Variants in MAPKBP1 observed in about 807,000 individuals in gnomAD.
MAPKBP1 encodes the protein mitogen-activated protein kinase binding protein 1.
In MAPKBP1, 71 loss-of-function variants were observed where a neutral mutation model predicts 170.5. That is an observed-to-expected ratio of 0.42 (90% CI 0.34 to 0.51). MAPKBP1 has a LOEUF of 0.51. Among genes scored for constraint, MAPKBP1 ranks in the 20% least tolerant of loss-of-function variants. The pLI, the probability that MAPKBP1 is intolerant of heterozygous loss-of-function variation, is 0.06. For synonymous variants in MAPKBP1, 719 were observed against 757.9 expected (o/e 0.95, Z 0.84); for missense variants, 1,598 against 1,933.0 (o/e 0.83, Z 3.25).
chr15:41,774,597 G>A lies in MAPKBP1; in HGVS notation c.-123G>A. 2.5e-6 allele frequency: 1 copy of A among 398,724 alleles called. No homozygotes were observed. The highest frequency in any genetic ancestry group is 4.4e-6 in the Non-Finnish European group (1 of 226,114). The allele number at this position is 398,724 out of a possible 1,614,324, so 24.7% of individuals were successfully genotyped here. The stretch of plus-strand genomic sequence containing the variant: ...GGGCGCTGTGAGCGGGGTGGCCTTA[G>A]CTCGCCGAGGCTGGTGAGGCTGGGC... On this transcript the variant is annotated 5_prime_UTR_variant, in exon 1 of 31. Transcript: ENST00000457542.
At chr15:41,786,030 C>A (rs1288958719) in intron 2 of MAPKBP1, among the ~76,000 whole-genome samples, 1 of 152,076 alleles carries the variant, frequency 6.6e-6, no homozygotes, top group African/African-American at 2.4e-5. Flanking sequence ...AGATGAAATT[C>A]CTTGTACCTG....
At chr15:41,778,369 G>A (rs561115422) in intron 2 of MAPKBP1, among the ~76,000 whole-genome samples, 3 of 152,324 alleles carry the variant, frequency 2.0e-5, no homozygotes, top group South Asian at 4.1e-4. Context: ...AGAAGTCCAC[G>A]TATGCAGAAA....
At chr15:41,816,728 G>A (rs144394270) in intron 13 of MAPKBP1, 78 bp downstream of exon 13, 369 of 1,470,964 alleles carry the variant, frequency 2.5e-4, no homozygotes, top group Non-Finnish European at 3.3e-4. Flanking sequence ...GCTCTTGGAC[G>A]TGGGGTCGGT....
chr15:41,822,314 G>A lies in MAPKBP1; in HGVS notation c.3121G>A (p.Glu1041Lys), dbSNP rs775064619. 1.2e-6 allele frequency: 2 copies of A among 1,614,098 alleles called. No individual in the cohort carries two copies. The highest frequency in any genetic ancestry group is 4.5e-5 in the East Asian group (2 of 44,878). The change falls in exon 26 of 31, where the codon GAG becomes AAG. Residue 1041 changes from glutamate (E) to lysine (K), a missense_variant. By Grantham distance (56) the Glu-to-Lys change is moderately conservative. This residue lies in a region of MAPKBP1 where 942 missense variants were observed against 953.2 expected (regional missense o/e 0.99). Transcript: ENST00000457542. ...GGGTGATGAAGAAGAGGAAGAAGAG[G>A]AGGGAGGCATGGGCCCCTATGGGCT... is the stretch of plus-strand genomic sequence containing the variant. ...AEGDEEEEEE[E>K]GGMGPYGLQE...
At chr15:41,774,729 G>T in intron 1 of MAPKBP1, 119 bp downstream of exon 1, 1 of 399,976 alleles carries the variant, frequency 2.5e-6, no homozygotes, top group Non-Finnish European at 4.4e-6. Flanking sequence ...ATAGGGAGTG[G>T]GGGAGGGAGG....
rs751957092 is a variant in MAPKBP1, at chr15:41,818,883, C to T, written c.2217C>T (p.Ala739=). The T allele has an allele frequency of 1.3e-5, 21 of 1,614,098 alleles. No individual in the cohort carries two copies. Among genetic ancestry groups the T allele is most frequent in the Admixed American group, 1.2e-4 (7 of 60,012 alleles). ...EMTISMRQRL[A]ELRQRQRGGK... Reference sequence around the variant, plus strand: ...CCATCAGCATGAGGCAGCGTCTGGCCGAGTTGCGCCAGCGTCAGCGGGGCG... The same window carrying T: ...CCATCAGCATGAGGCAGCGTCTGGCTGAGTTGCGCCAGCGTCAGCGGGGCG... The change falls in exon 20 of 31, where the codon GCC becomes GCT. Residue 739 remains alanine (A), a synonymous_variant. Coordinates refer to ENST00000457542, the MANE Select transcript of MAPKBP1 (RefSeq NM_014994.3). This position sits in a 1 kb window ranked among gnomAD's most constrained non-coding sequence, Gnocchi z 5.2.
chr15:41,825,222 A>T lies in MAPKBP1; in HGVS notation c.4313A>T (p.Lys1438Met). 6.3e-7 allele frequency: 1 copy of T among 1,582,908 alleles called. No individual in the cohort carries two copies. Among genetic ancestry groups the T allele is most frequent in the Non-Finnish European group, 8.6e-7 (1 of 1,157,538 alleles). ...GTGCTATTTCAGGTGGCTGGCTGCA[A>T]GATGCCCTCAGCAGAGCAAAGTCGG... Reference protein sequence around the residue: ...VRLYHSVAGCKMPSAEQSRIA... With the variant: ...VRLYHSVAGCMMPSAEQSRIA... The change falls in exon 31 of 31, where the codon AAG becomes ATG. Residue 1438 changes from lysine (K) to methionine (M), a missense_variant. Around this residue, in one of 6 missense-constraint regions of MAPKBP1, gnomAD observed 942 missense variants for 953.2 expected, o/e 0.99. Transcript: ENST00000457542.
chr15:41,817,936 C>T lies in MAPKBP1; in HGVS notation c.1905-73C>T. On this transcript the variant is annotated intron_variant, in intron 16 of 30. Coordinates refer to ENST00000457542, the MANE Select transcript of MAPKBP1 (RefSeq NM_014994.3). The surrounding 1 kb of genome is among the most constrained non-coding windows in gnomAD (Gnocchi z 4.2). ...AGAGAGTGTAGACTGGGAGTGAAAG[C>T]TGGCATTTCCATCCCCCAGGCGTGT... The T allele has an allele frequency of 1.3e-6, 2 of 1,544,200 alleles. No individual in the cohort carries two copies. The highest frequency in any genetic ancestry group is 1.8e-6 in the Non-Finnish European group (2 of 1,117,366).
rs749567364 is a variant in MAPKBP1 at position 41,818,800 on chromosome 15, C to T, written c.2157-23C>T. Reference sequence around the variant, plus strand: ...GCCATTCTACCTGCCCCTCCTTCAGCCAACTGTGTGGCTTTACCCCAGCTG... The same window carrying T: ...GCCATTCTACCTGCCCCTCCTTCAGTCAACTGTGTGGCTTTACCCCAGCTG... On this transcript the variant is annotated intron_variant, in intron 19 of 30. Transcript: ENST00000457542. This position sits in a 1 kb window ranked among gnomAD's most constrained non-coding sequence, Gnocchi z 5.2. 6.2e-7 allele frequency: 1 copy of T among 1,611,544 alleles called. No homozygotes were observed. Among genetic ancestry groups the T allele is most frequent in the Admixed American group, 1.7e-5 (1 of 59,968 alleles).
chr15:41,819,671 T>C, intron 22 of MAPKBP1, 21 bp downstream of exon 22: 1 of 1,603,258 alleles, frequency 6.2e-7, no homozygotes. Context: ...ATTGTTAAAA[T>C]GTTCTTCCAA....
Position 41,824,654 on chromosome 15 carries a change from T to C in MAPKBP1, c.4299+85T>C, listed in dbSNP as rs1203991916. Reference sequence around the variant, plus strand: ...GATAACCATGTCCAGAACAGTATGCTAAGCCTCTTGTGCTGACAGGATGGC... The same window carrying C: ...GATAACCATGTCCAGAACAGTATGCCAAGCCTCTTGTGCTGACAGGATGGC... On this transcript the variant is annotated intron_variant, in intron 30 of 30. Coordinates refer to ENST00000457542, the MANE Select transcript of MAPKBP1 (RefSeq NM_014994.3). 8 of 1,308,956 alleles carry C rather than the reference T, an allele frequency of 6.1e-6. No individual in the cohort carries two copies. In the African/African-American group the frequency reaches 1.2e-4, roughly 19 times the overall value. 81.1% of individuals were successfully genotyped at this position (1,308,956 alleles called of 1,614,324 possible).
At chr15:41,811,464 T>C (rs974513029) in intron 5 of MAPKBP1, 2 of 698,176 alleles carry the variant, frequency 2.9e-6, no homozygotes, top group East Asian at 2.7e-5. Context: ...TTTCTGATTC[T>C]GTAGGTCTGG....
intron 8 of MAPKBP1, 57 bp downstream of exon 8, chr15:41,813,158 C>A: frequency 9.0e-6 from 14 of 1,560,666 alleles, no homozygotes; most frequent in Middle Eastern, 1.7e-4. Flanking sequence ...CAGGGGAGAA[C>A]TAGTGCCCAG....
chr15:41,817,917 T>A lies in MAPKBP1; in HGVS notation c.1905-92T>A, dbSNP rs763469666. The A allele has an allele frequency of 7.3e-6, 11 of 1,510,380 alleles. No individual in the cohort carries two copies. The highest frequency in any genetic ancestry group is 9.2e-6 in the Non-Finnish European group (10 of 1,088,428). 93.6% of individuals were successfully genotyped at this position (1,510,380 alleles called of 1,614,324 possible). A position where few individuals can be genotyped will look rare whatever the true frequency, so the allele number is the denominator to read the frequency against. The stretch of plus-strand genomic sequence containing the variant: ...GCTGCTGGGGGTAGCTCCCAGAGAG[T>A]GTAGACTGGGAGTGAAAGCTGGCAT... On this transcript the variant is annotated intron_variant, in intron 16 of 30. Coordinates refer to ENST00000457542, the MANE Select transcript of MAPKBP1 (RefSeq NM_014994.3). This position sits in a 1 kb window ranked among gnomAD's most constrained non-coding sequence, Gnocchi z 4.2.
Position 41,797,867 on chromosome 15 carries a change from C to T in MAPKBP1, c.115-1956C>T, listed in dbSNP as rs115761081. Among the ~76,000 whole-genome samples, 231 of 152,204 alleles carry T rather than the reference C, an allele frequency of 1.5e-3. 1 individual carries two copies. Among genetic ancestry groups the T allele is most frequent in the African/African-American group, 5.1e-3 (214 of 41,558 alleles). ...TCTGGGGAATAGGTATTAAATGTAA[C>T]ATCTCAGGAGACTTATTTTGGTCTT... On this transcript the variant is annotated intron_variant, in intron 2 of 30. Transcript: ENST00000457542.
In MAPKBP1 at chr15:41,811,995, A is replaced by G; in HGVS notation, c.366A>G (p.Ala122=). The G allele has an allele frequency of 6.2e-7, 1 of 1,614,128 alleles. No homozygotes were observed. The highest frequency in any genetic ancestry group is 8.5e-7 in the Non-Finnish European group (1 of 1,180,002). Residue 122 remains alanine (A), a synonymous_variant, in exon 6 of 31, where the codon GCA becomes GCG. Transcript: ENST00000457542. ...CTGCCGTGCGGGTTTGGGACGTGGCAGAGCACAGCCAGGTGGCCGAGCTGC... is the reference window on the plus strand; with the variant it reads ...CTGCCGTGCGGGTTTGGGACGTGGCGGAGCACAGCCAGGTGGCCGAGCTGC... The part of the protein sequence containing the change: ...HMPAVRVWDV[A]EHSQVAELQE...
Position 41,822,654 on chromosome 15 carries a change from G to T in MAPKBP1, c.3291G>T (p.Leu1097Phe), listed in dbSNP as rs372686032. The change falls in exon 27 of 31, where the codon TTG becomes TTT. Residue 1097 changes from leucine to phenylalanine, a missense_variant. This residue lies in a region of MAPKBP1 where 942 missense variants were observed against 953.2 expected (regional missense o/e 0.99). Coordinates refer to ENST00000457542, the MANE Select transcript of MAPKBP1 (RefSeq NM_014994.3). Reference sequence around the variant, plus strand: ...GGAGTATCTCTTCACGATTCCTGTTGCAAGTACAGACCCGCCCACTCAGGT... The same window carrying T: ...GGAGTATCTCTTCACGATTCCTGTTTCAAGTACAGACCCGCCCACTCAGGT... The part of the protein sequence containing the change: ...ESRSISSRFL[L>F]QVQTRPLREP... 6 of 1,613,934 alleles carry T rather than the reference G, an allele frequency of 3.7e-6. No homozygotes were observed. In the African/African-American group the frequency reaches 5.3e-5, roughly 14 times the overall value.
rs2065030043 is a variant in MAPKBP1, at chr15:41,823,160, C to A, written c.3536C>A (p.Ala1179Asp). ...AGCAGCTGGGCTCCCAAGAGAGTGG[C>A]CACAGCCAGCCCCTTTTCTGGACTC... ...PDSSWAPKRV[A>D]TASPFSGLQK... is the part of the protein sequence containing the mutation. Residue 1179 changes from alanine (A) to aspartate (D), a missense_variant, in exon 28 of 31, where the codon GCC becomes GAC. Coordinates refer to ENST00000457542, the MANE Select transcript of MAPKBP1 (RefSeq NM_014994.3). The A allele has an allele frequency of 6.2e-7, 1 of 1,613,628 alleles. No homozygotes were observed. Among genetic ancestry groups the A allele is most frequent in the African/African-American group, 1.3e-5 (1 of 75,058 alleles).
At chr15:41,805,713 T>A (rs1297660207) in intron 3 of MAPKBP1, among the ~76,000 whole-genome samples, 1 of 152,160 alleles carries the variant, frequency 6.6e-6, no homozygotes, top group African/African-American at 2.4e-5. Flanking sequence ...ATTCTCCTCC[T>A]GAACTGTGTT....
Sources: allele counts gnomAD v4.1 joint callset (sites outside exome capture counted in the v4.1 genomes callset), GRCh38; gene constraint gnomAD v4.1.1; regional missense constraint gnomAD v4.1.1; non-coding constraint Gnocchi (gnomAD v3.1); transcripts MANE v1.5; gene names NCBI Gene and HGNC (gene_info 2026-07-23, HGNC 2026-07-21).